The following APC2 variants were observed in gnomAD, a reference collection of about 807,000 sequenced individuals.
The protein encoded by APC2 is adenomatous polyposis coli protein 2.
A neutral mutation model predicts 72.5 loss-of-function variants in APC2; 41 were observed. The observed-to-expected ratio is 0.57, with a 90% CI of 0.44 to 0.73. The LOEUF is 0.73. Among genes scored for constraint, APC2 ranks in the 30% least tolerant of loss-of-function variants. The pLI is 0.00. For missense variants in APC2, 3,729 were observed against 3,403.4 expected, an observed-to-expected ratio of 1.10 and a Z score of -2.38; for synonymous variants, 1,898 against 1,612.0, an observed-to-expected ratio of 1.18 and a Z score of -4.25.
rs921882149 is a variant in APC2, at chr19:1,469,459, G to GCCCGGC, written c.6167_6172dup (p.Pro2056_Ala2057dup). The GCCCGGC allele has an allele frequency of 4.0e-5, 45 of 1,137,460 alleles. No homozygotes were observed. Among genetic ancestry groups the GCCCGGC allele is most frequent in the Admixed American group, 9.8e-5 (2 of 20,412 alleles). The allele number at this position is 1,137,460 out of a possible 1,614,324, so 70.5% of individuals were successfully genotyped here. ...GAGCTCCGAGCGGCACCCCGGCAGG[G>GCCCGGC]CCCGGCCCCGGCCCGGCAGCGGCCC... On this transcript the variant is annotated inframe_insertion, in exon 15 of 15. Transcript: ENST00000590469.
rs61757708 is a variant in APC2, at chr19:1,465,653, G to A, written c.2352G>A (p.Pro784=). 2 of 1,602,088 alleles carry A rather than the reference G, an allele frequency of 1.2e-6. No individual in the cohort carries two copies. Among genetic ancestry groups the A allele is most frequent in the South Asian group, 1.1e-5 (1 of 89,564 alleles). ...GCTGCTTTGACGACGACGATGCACCGTCATCCCTGGCTGCGGCCGCGGCCA... is the reference window on the plus strand; with the variant it reads ...GCTGCTTTGACGACGACGATGCACCATCATCCCTGGCTGCGGCCGCGGCCA... ...DSGCFDDDDA[P]SSLAAAAATG... Residue 784 remains proline (P), a synonymous_variant, in exon 15 of 15, where the codon CCG becomes CCA. Coordinates refer to ENST00000590469, the MANE Select transcript of APC2 (RefSeq NM_005883.3).
At position 1,469,434 on chromosome 19, in the gene APC2, G is replaced by A; in HGVS notation, c.6133G>A (p.Glu2045Lys). ...CTTCCTCTGCTCCTCGCGCTGCGAA[G>A]AGCTCCGAGCGGCACCCCGGCAGGG... ...AVFLCSSRCE[E>K]LRAAPRQGPA... Residue 2045 changes from glutamate to lysine, a missense_variant, in exon 15 of 15, where the codon GAG becomes AAG. By Grantham distance (56) the Glu-to-Lys change is moderately conservative. Coordinates refer to ENST00000590469, the MANE Select transcript of APC2 (RefSeq NM_005883.3). 2 of 1,167,562 alleles carry A rather than the reference G, an allele frequency of 1.7e-6. No individual in the cohort carries two copies. The highest frequency in any genetic ancestry group is 4.4e-5 in the East Asian group (1 of 22,952). The allele number at this position is 1,167,562 out of a possible 1,614,324, so 72.3% of individuals were successfully genotyped here.
intron 9 of APC2, 192 bp downstream of exon 9, chr19:1,457,435 G>A (rs113187932): frequency 3.6e-5 from 29 of 800,364 alleles, no homozygotes; most frequent in Middle Eastern, 3.8e-4. Context: ...CGTACCTGGC[G>A]CAGAGTAAAC....
intron 9 of APC2, 131 bp from the exon 10 acceptor site, chr19:1,457,834 C>A (rs1245615066): frequency 2.0e-5 from 15 of 756,436 alleles, no homozygotes; most frequent in Non-Finnish European, 3.3e-5. Context: ...GAAAGGAAGT[C>A]CCAACTTTGC....
In APC2 at chr19:1,468,472, T is replaced by G. The variant is rs779828031; in HGVS notation, c.5171T>G (p.Leu1724Arg). 6.2e-7 allele frequency: 1 copy of G among 1,602,742 alleles called. No individual in the cohort carries two copies. Among genetic ancestry groups the G allele is most frequent in the Non-Finnish European group, 8.5e-7 (1 of 1,176,240 alleles). The change falls in exon 15 of 15, where the codon CTG (leucine) becomes CGG (arginine). Residue 1724 changes from leucine to arginine, a missense_variant. By Grantham distance (102) the Leu-to-Arg change is moderately radical. Coordinates refer to ENST00000590469, the MANE Select transcript of APC2 (RefSeq NM_005883.3). ...SDSILSFVSG[L>R]SVGSTLQPPK... ...TCCATCCTGTCCTTCGTATCCGGGC[T>G]GTCAGTGGGATCCACCCTACAGCCC...
chr19:1,463,406 G>C (rs1195873802), intron 14 of APC2, among the ~76,000 whole-genome samples: 2 of 139,494 alleles, frequency 1.4e-5, no homozygotes, highest in African/African-American at 6.2e-5. Context: ...CGACAGAGGG[G>C]ACTCTGTCTC....
At chr19:1,458,228 G>C (rs779686435) in intron 10 of APC2, 168 bp downstream of exon 10, 11 of 647,794 alleles carry the variant, frequency 1.7e-5, no homozygotes, top group Non-Finnish European at 2.4e-5. Flanking sequence ...TGAGTGGACC[G>C]TCACCCTGGG....
Position 1,467,583 on chromosome 19 carries a change from C to T in APC2, c.4282C>T (p.Pro1428Ser). Residue 1428 changes from proline (P) to serine (S), a missense_variant, in exon 15 of 15, where the codon CCC (proline) becomes TCC (serine). By Grantham distance (74) the Pro-to-Ser change is moderately conservative (BLOSUM62 -1). Transcript: ENST00000590469. The stretch of plus-strand genomic sequence containing the variant: ...CGGGGGACCAGCGGGCAGGCAAAGA[C>T]CCACCGGCCGCCCCACCTCTGCCAG... ...QPGGPAGRQR[P>S]TGRPTSARQA... 6.6e-7 allele frequency: 1 copy of T among 1,513,208 alleles called. No individual in the cohort carries two copies. The highest frequency in any genetic ancestry group is 1.2e-5 in the South Asian group (1 of 81,066). The allele number at this position is 1,513,208 out of a possible 1,614,324, so 93.7% of individuals were successfully genotyped here.
rs544989169 is a variant in APC2, at chr19:1,461,896, T to G, written c.1639-67T>G. The G allele has an allele frequency of 1.7e-5, 23 of 1,353,994 alleles. No homozygotes were observed. In the Admixed American group the frequency reaches 4.5e-4, roughly 27 times the overall value. 83.9% of individuals were successfully genotyped at this position (1,353,994 alleles called of 1,614,324 possible). On this transcript the variant is annotated intron_variant, in intron 13 of 14. Transcript: ENST00000590469. The stretch of plus-strand genomic sequence containing the variant: ...CAAAAAAACCCAACTTCACTGAATG[T>G]GAGCGTGGGAGCCTTTCCTCCGGGC...
At position 1,455,277 on chromosome 19, in the gene APC2, AG is replaced by A. The variant is rs2083803692; in HGVS notation, c.522+25del. 4 of 1,558,242 alleles carry A rather than the reference AG, an allele frequency of 2.6e-6. No individual in the cohort carries two copies. Among genetic ancestry groups the A allele is most frequent in the South Asian group, 1.2e-5 (1 of 84,866 alleles). On this transcript the variant is annotated intron_variant, in intron 5 of 14. Coordinates refer to ENST00000590469, the MANE Select transcript of APC2 (RefSeq NM_005883.3). ...GAGACGGTGAGCCGGCCGGGGAGCC[AG>A]GGGGCAGCGCGCCCGCCCCACTCAG...
Position 1,468,651 on chromosome 19 carries a change from G to A in APC2, c.5350G>A (p.Val1784Met), listed in dbSNP as rs373506710. The change falls in exon 15 of 15, where the codon GTG becomes ATG. Residue 1784 changes from valine to methionine, a missense_variant. Physicochemically the swap from Val to Met is conservative, Grantham distance 21. Coordinates refer to ENST00000590469, the MANE Select transcript of APC2 (RefSeq NM_005883.3). ...PRGTQKTTPG[V>M]PAVLRGRTVI... ...TGGCACACAGAAGACCACGCCCGGGGTGCCAGCTGTGCTCCGGGGACGAAC... is the reference window on the plus strand; with the variant it reads ...TGGCACACAGAAGACCACGCCCGGGATGCCAGCTGTGCTCCGGGGACGAAC... The A allele has an allele frequency of 1.3e-6, 2 of 1,589,132 alleles. No homozygotes were observed. Among genetic ancestry groups the A allele is most frequent in the African/African-American group, 1.3e-5 (1 of 74,380 alleles).
At chr19:1,460,382 C>T (rs2145210168) in intron 11 of APC2, 62 bp downstream of exon 11, 1 of 1,603,566 alleles carries the variant, frequency 6.2e-7, no homozygotes, top group East Asian at 2.2e-5. Context: ...GACTGAGCCT[C>T]CTTCCAACTC....
upstream of APC2, among the ~76,000 whole-genome samples, chr19:1,448,164 C>T (rs1336173246): frequency 6.6e-6 from 1 of 152,122 alleles, no homozygotes; most frequent in East Asian, 1.9e-4. Flanking sequence ...CCTGTCAAAC[C>T]CCACCACGCG....
chr19:1,470,102 G>T lies in APC2; in HGVS notation c.6801G>T (p.Ser2267=). The change falls in exon 15 of 15, where the codon TCG becomes TCT. Residue 2267 remains serine (S), a synonymous_variant. Coordinates refer to ENST00000590469, the MANE Select transcript of APC2 (RefSeq NM_005883.3). ...GCCGGCACGGCTCCCCCAGCCGCTC[G>T]GCCCGAGTACCCCCCTTCAACTATG... ...PASRHGSPSR[S]ARVPPFNYVP... is the part of the protein sequence containing the mutation. The T allele has an allele frequency of 6.2e-7, 1 of 1,604,930 alleles. No individual in the cohort carries two copies. Among genetic ancestry groups the T allele is most frequent in the Admixed American group, 1.7e-5 (1 of 59,652 alleles).
chr19:1,456,404 G>A lies in APC2; in HGVS notation c.816G>A (p.Lys272=), dbSNP rs1447953636. 6.3e-7 allele frequency: 1 copy of A among 1,598,624 alleles called. No homozygotes were observed. Residue 272 remains lysine, a splice_region_variant and synonymous_variant, in exon 8 of 15, where the codon AAG becomes AAA. Transcript: ENST00000590469. The stretch of plus-strand genomic sequence containing the variant: ...GCACCCCTCAGCCGGGCAACAGCAA[G>A]GTGAGGGGGAGGGTGAAACGGGGGC... ...EDGTPQPGNS[K]VEVVFWLLSM...
Position 1,467,162 on chromosome 19 carries a change from C to T in APC2, c.3861C>T (p.Tyr1287=). The change falls in exon 15 of 15, where the codon TAC becomes TAT. Residue 1287 remains tyrosine, a synonymous_variant. Transcript: ENST00000590469. ...GCGCGCTGGCCTTGCACGAGCACTA[C>T]GTGCAGCAGGACGTGGAGCTGCGGC... The part of the protein sequence containing the change: ...SLSALALHEH[Y]VQQDVELRLL... 1.3e-6 allele frequency: 2 copies of T among 1,548,352 alleles called. No homozygotes were observed. Among genetic ancestry groups the T allele is most frequent in the East Asian group, 2.3e-5 (1 of 44,070 alleles).
chr19:1,466,327 CA>C lies in APC2; in HGVS notation c.3028del (p.Arg1010GlyfsTer27). The C allele has an allele frequency of 6.5e-7, 1 of 1,547,862 alleles. No homozygotes were observed. The highest frequency in any genetic ancestry group is 8.7e-7 in the Non-Finnish European group (1 of 1,149,974). Reference sequence around the variant, plus strand: ...CACGTGCCACTGCTTGAGGGTGCCTCAAGGGCGGGTGCAGAGCCCCTCGCGG... The same window carrying C: ...CACGTGCCACTGCTTGAGGGTGCCTCAGGGCGGGTGCAGAGCCCCTCGCGG... ...YQHVPLLEGASRAGAEPLAGP... is the reference protein window; with the variant it reads ...YQHVPLLEGAXRAGAEPLAGP... On this transcript the variant is annotated frameshift_variant, in exon 15 of 15. Coordinates refer to ENST00000590469, the MANE Select transcript of APC2 (RefSeq NM_005883.3). LOFTEE classifies it low-confidence loss of function (END_TRUNC).
At position 1,461,864 on chromosome 19, in the gene APC2, C is replaced by CCA. The variant is rs1555676722; in HGVS notation, c.1639-99_1639-98insCA. ...GAGATTCCGTCTCAAAAAAAAAAAA[C>CCA]AAAAAACAAAAAAACCCAACTTCAC... is the stretch of plus-strand genomic sequence containing the variant. On this transcript the variant is annotated intron_variant, in intron 13 of 14. Transcript: ENST00000590469. 6.0e-6 allele frequency: 6 copies of CCA among 1,005,918 alleles called. No individual in the cohort carries two copies. In the African/African-American group the frequency reaches 8.6e-5, roughly 14 times the overall value. The allele number at this position is 1,005,918 out of a possible 1,614,324, so 62.3% of individuals were successfully genotyped here.
chr19:1,468,241 T>A lies in APC2; in HGVS notation c.4940T>A (p.Leu1647Gln). The A allele has an allele frequency of 6.7e-7, 1 of 1,503,162 alleles. No homozygotes were observed. The allele number at this position is 1,503,162 out of a possible 1,614,324, so 93.1% of individuals were successfully genotyped here. ...AGGCGCCGGCCCCCCGTGTCTGGCC[T>A]GCGGCGCCGCAAGCCCCGAGCCACC... is the stretch of plus-strand genomic sequence containing the variant. ...LPRRRPPVSGLRRRKPRATRL... is the reference protein window; with the variant it reads ...LPRRRPPVSGQRRRKPRATRL... Residue 1647 changes from leucine (L) to glutamine (Q), a missense_variant, in exon 15 of 15, where the codon CTG (leucine) becomes CAG (glutamine). Physicochemically the swap from Leu to Gln is moderately radical, Grantham distance 113. Coordinates refer to ENST00000590469, the MANE Select transcript of APC2 (RefSeq NM_005883.3).
Sources: allele counts gnomAD v4.1 joint callset (sites outside exome capture counted in the v4.1 genomes callset), GRCh38; gene constraint gnomAD v4.1.1; transcripts MANE v1.5; gene names NCBI Gene and HGNC (gene_info 2026-07-23, HGNC 2026-07-21).